The following MRPL37 variants were observed in gnomAD, a reference collection of about 807,000 sequenced individuals.
The protein encoded by MRPL37 is large ribosomal subunit protein mL37.
MRPL37 carries 34 observed loss-of-function variants against 44.1 expected under a neutral mutation model. The observed-to-expected ratio is 0.77, with a 90% CI of 0.59 to 1.03. MRPL37 has a LOEUF of 1.03. Ranked by LOEUF, MRPL37 falls within the 50% of genes least tolerant of loss-of-function variation. The pLI is 0.00. For missense variants in MRPL37, 532 were observed against 543.7 expected (o/e 0.98, Z 0.21); for synonymous variants, 212 against 219.5 (o/e 0.97, Z 0.30).
In MRPL37 at chr1:54,200,429, G is replaced by C. The variant is rs777894099; in HGVS notation, c.186G>C (p.Gly62=). The C allele has an allele frequency of 1.2e-6, 2 of 1,614,252 alleles. No homozygotes were observed. The highest frequency in any genetic ancestry group is 2.2e-5 in the South Asian group (2 of 91,092). ...IPGLEPITFA[G]KMHFVPWLAR... ...GACTGGAGCCCATCACCTTTGCGGG[G>C]AAGATGCACTTCGTGCCCTGGCTGG... The change falls in exon 1 of 7, where the codon GGG becomes GGC. Residue 62 remains glycine (G), a synonymous_variant. Transcript: ENST00000360840.
At chr1:54,217,293 T>G (rs892918250) in intron 6 of MRPL37, among the ~76,000 whole-genome samples, 3 of 152,220 alleles carry the variant, frequency 2.0e-5, no homozygotes, top group African/African-American at 7.2e-5. Flanking sequence ...GTCTGTGCCC[T>G]TTGCTTTGGC....
At chr1:54,207,799 G>A (rs543655126) in intron 3 of MRPL37, among the ~76,000 whole-genome samples, 2 of 152,316 alleles carry the variant, frequency 1.3e-5, no homozygotes, top group South Asian at 2.1e-4. Context: ...ACCCCCAGAT[G>A]TAGTATCCCT....
intron 6 of MRPL37, among the ~76,000 whole-genome samples, chr1:54,216,696 A>C (rs1461978887): frequency 6.6e-6 from 1 of 151,828 alleles, no homozygotes; most frequent in Admixed American, 6.5e-5. Flanking sequence ...GCTATCCTCC[A>C]CTTGTCCTTC....
intron 4 of MRPL37, among the ~76,000 whole-genome samples, chr1:54,211,670 C>T (rs34866797): frequency 0.016 from 2,396 of 152,062 alleles, 51 homozygotes; most frequent in East Asian, 0.069. Context: ...TTTTTGTATT[C>T]TTTTTAGAGA....
At chr1:54,215,862 C>T (rs904323771) in intron 5 of MRPL37, among the ~76,000 whole-genome samples, 1 of 152,190 alleles carries the variant, frequency 6.6e-6, no homozygotes, top group Non-Finnish European at 1.5e-5. Context: ...TCTGGCTTGC[C>T]TGGAAATCGC....
Position 54,209,305 on chromosome 1 carries a change from T to G in MRPL37, c.647-641T>G, listed in dbSNP as rs1211192806. ...AACACAGGAAGAAGAGTGCATTGGTTCATCCCCTCTTAGGGATCCCAGGAT... is the reference window on the plus strand; with the variant it reads ...AACACAGGAAGAAGAGTGCATTGGTGCATCCCCTCTTAGGGATCCCAGGAT... On this transcript the variant is annotated intron_variant, in intron 3 of 6. Transcript: ENST00000360840. 2.6e-5 allele frequency among the ~76,000 whole-genome samples: 4 copies of G among 152,278 alleles called. 1 individual carries two copies. The East Asian group carries it at 7.7e-4, about 29-fold the overall frequency.
rs1349033635 is a variant in MRPL37 at position 54,210,150 on chromosome 1, G to C, written c.832+19G>C. On this transcript the variant is annotated intron_variant, in intron 4 of 6. Transcript: ENST00000360840. Reference sequence around the variant, plus strand: ...GACACAGGTAAGGATCAATGTCTTGGACTTTTAGGCAGTGTGGAGGAGAAG... The same window carrying C: ...GACACAGGTAAGGATCAATGTCTTGCACTTTTAGGCAGTGTGGAGGAGAAG... The C allele has an allele frequency of 6.2e-7, 1 of 1,609,074 alleles. No homozygotes were observed. The highest frequency in any genetic ancestry group is 2.2e-5 in the East Asian group (1 of 44,840).
chr1:54,213,637 A>G (rs1212725507), intron 5 of MRPL37, among the ~76,000 whole-genome samples: 1 of 152,228 alleles, frequency 6.6e-6, no homozygotes, highest in Non-Finnish European at 1.5e-5. Context: ...AACTTGTTGA[A>G]AAGGCATACT....
At chr1:54,211,291 C>T (rs763445085) in intron 4 of MRPL37, among the ~76,000 whole-genome samples, 2 of 152,096 alleles carry the variant, frequency 1.3e-5, no homozygotes, top group Non-Finnish European at 2.9e-5. Flanking sequence ...CTGTCTGTCT[C>T]CCCTCTAAAC....
At chr1:54,208,443 G>A (rs1644139778) in intron 3 of MRPL37, among the ~76,000 whole-genome samples, 1 of 151,462 alleles carries the variant, frequency 6.6e-6, no homozygotes, top group Non-Finnish European at 1.5e-5. Flanking sequence ...CAGCTACTCG[G>A]GAGGCTGAGG....
chr1:54,214,812 T>G (rs1325028866), intron 5 of MRPL37, among the ~76,000 whole-genome samples: 1 of 152,262 alleles, frequency 6.6e-6, no homozygotes, highest in Non-Finnish European at 1.5e-5. Flanking sequence ...ATTTATGTAC[T>G]ACCTGCAGTT....
intron 6 of MRPL37, among the ~76,000 whole-genome samples, chr1:54,217,091 C>T (rs1397209895): frequency 6.6e-6 from 1 of 152,162 alleles, no homozygotes; most frequent in Non-Finnish European, 1.5e-5. Flanking sequence ...CCTGGAGAGA[C>T]CTACAGCAGG....
Position 54,216,293 on chromosome 1 carries a change from C to A in MRPL37, c.1143C>A (p.Leu381=), listed in dbSNP as rs1261143350. The A allele has an allele frequency of 6.2e-7, 1 of 1,614,140 alleles. No homozygotes were observed. Among genetic ancestry groups the A allele is most frequent in the East Asian group, 2.2e-5 (1 of 44,868 alleles). ...KNLAWVDSDQ[L]LYQHFWCLPV... ...TGGCCTGGGTGGACTCAGACCAGCT[C>A]CTCTATCAGCATTTTTGGTGTCTCC... The change falls in exon 6 of 7, where the codon CTC becomes CTA. Residue 381 remains leucine, a synonymous_variant. Transcript: ENST00000360840.
At chr1:54,217,349 G>A (rs955180217) in intron 6 of MRPL37, among the ~76,000 whole-genome samples, 2 of 152,086 alleles carry the variant, frequency 1.3e-5, no homozygotes, top group African/African-American at 2.4e-5. Context: ...AGCCACCTCC[G>A]TGCTCTCTGC....
At position 54,218,294 on chromosome 1, in the gene MRPL37, C is replaced by T; in HGVS notation, c.*45C>T. ...CCTGAAACCCCTCTTGCCTCTCTTC[C>T]ACGGAAGAGGGCCTGGGCCCCGTGG... On this transcript the variant is annotated 3_prime_UTR_variant, in exon 7 of 7. Transcript: ENST00000360840. 5.0e-6 allele frequency: 8 copies of T among 1,613,806 alleles called. No homozygotes were observed. Among genetic ancestry groups the T allele is most frequent in the Non-Finnish European group, 5.9e-6 (7 of 1,179,964 alleles).
chr1:54,208,370 G>C (rs1644139099), intron 3 of MRPL37, among the ~76,000 whole-genome samples: 1 of 151,876 alleles, frequency 6.6e-6, no homozygotes, highest in African/African-American at 2.4e-5. Flanking sequence ...GTGAAACCCG[G>C]TCTCTACTAA....
downstream of MRPL37, among the ~76,000 whole-genome samples, chr1:54,221,298 C>T (rs1459972544): frequency 9.9e-5 from 15 of 152,202 alleles, no homozygotes; most frequent in Admixed American, 9.8e-4. Flanking sequence ...ACAGGATCCT[C>T]TCGGGCTTTA....
intron 1 of MRPL37, among the ~76,000 whole-genome samples, chr1:54,201,873 A>G (rs1194509246): frequency 6.6e-6 from 1 of 152,186 alleles, no homozygotes; most frequent in African/African-American, 2.4e-5. Context: ...TCATATGCAA[A>G]TAGAACATAA....
chr1:54,223,985 C>T (rs1049710404), downstream of MRPL37, among the ~76,000 whole-genome samples: 1 of 152,198 alleles, frequency 6.6e-6, no homozygotes, highest in African/African-American at 2.4e-5. Context: ...GCCGAGGGGC[C>T]CCAGGCTGAG....
Sources: allele counts gnomAD v4.1 joint callset (sites outside exome capture counted in the v4.1 genomes callset), GRCh38; gene constraint gnomAD v4.1.1; transcripts MANE v1.5; gene names NCBI Gene and HGNC (gene_info 2026-07-23, HGNC 2026-07-21).